The following TRAPPC3 variants were observed in gnomAD, a reference collection of about 807,000 sequenced individuals.
The protein encoded by TRAPPC3 is trafficking protein particle complex 3.
In TRAPPC3, 5 loss-of-function variants were observed where a neutral mutation model predicts 18.2. The observed-to-expected ratio is 0.28, with a 90% CI of 0.14 to 0.58. The LOEUF is 0.58. Among genes scored for constraint, TRAPPC3 ranks in the 20% least tolerant of loss-of-function variants. The pLI, the probability that TRAPPC3 is intolerant of heterozygous loss-of-function variation, is 0.91. For synonymous variants in TRAPPC3, 65 were observed against 84.2 expected, an observed-to-expected ratio of 0.77 and a Z score of 1.25; for missense variants, 176 against 225.9, an observed-to-expected ratio of 0.78 and a Z score of 1.41.
chr1:36,144,551 G>GAGTA (rs1644166136), intron 1 of TRAPPC3, among the ~76,000 whole-genome samples: 1 of 152,140 alleles, frequency 6.6e-6, no homozygotes, highest in Admixed American at 6.5e-5. Flanking sequence ...CTACTCAGGA[G>GAGTA]GCTAAGGTGA....
intron 1 of TRAPPC3, among the ~76,000 whole-genome samples, chr1:36,144,933 G>A (rs1644169694): frequency 6.6e-6 from 1 of 152,196 alleles, no homozygotes; most frequent in Admixed American, 6.5e-5. Context: ...TCTACACTCA[G>A]GTGAGACACC....
At chr1:36,149,314 C>G (rs1384961145) in intron 1 of TRAPPC3, 23 bp downstream of exon 1, 2 of 1,613,744 alleles carry the variant, frequency 1.2e-6, no homozygotes, top group East Asian at 2.2e-5. Flanking sequence ...CCCCGCCCGC[C>G]GAGGTCACGC....
At chr1:36,145,995 G>A (rs1644192319) in intron 1 of TRAPPC3, among the ~76,000 whole-genome samples, 1 of 151,784 alleles carries the variant, frequency 6.6e-6, no homozygotes, top group Non-Finnish European at 1.5e-5. Flanking sequence ...AGCCAGGATG[G>A]TCTCGATCTC....
intron 1 of TRAPPC3, among the ~76,000 whole-genome samples, chr1:36,148,826 C>T (rs191064449): frequency 1.3e-5 from 2 of 152,254 alleles, no homozygotes; most frequent in East Asian, 1.9e-4. Flanking sequence ...ACAATACCCA[C>T]GCCACAGTAC....
At chr1:36,138,140 T>C in intron 3 of TRAPPC3, 162 bp from the exon 4 acceptor site, 1 of 1,553,294 alleles carries the variant, frequency 6.4e-7, no homozygotes. Context: ...GAGAAGCATC[T>C]GTACATGATG....
intron 1 of TRAPPC3, chr1:36,149,070 G>A: frequency 7.2e-7 from 1 of 1,382,906 alleles, no homozygotes; most frequent in South Asian, 1.6e-5. Flanking sequence ...GAAGTTAAGT[G>A]GCAGTTATTG....
intron 1 of TRAPPC3, among the ~76,000 whole-genome samples, chr1:36,146,592 T>A (rs1380748728): frequency 3.6e-5 from 3 of 82,988 alleles, no homozygotes; most frequent in South Asian, 4.5e-4. Context: ...CCTACTTCAT[T>A]AAAAAAAAAA....
At chr1:36,149,651 G>GC (rs1644253322), upstream of TRAPPC3, 2 of 552,038 alleles carry the variant, frequency 3.6e-6, no homozygotes, top group Non-Finnish European at 6.5e-6. Flanking sequence ...TGCTCCGCGC[G>GC]CGCCTGCCTG....
chr1:36,147,403 T>C (rs1051377221), intron 1 of TRAPPC3, among the ~76,000 whole-genome samples: 5 of 150,576 alleles, frequency 3.3e-5, no homozygotes, highest in African/African-American at 7.4e-5. Context: ...TGAAGCAGAG[T>C]TGGAGGGACT....
chr1:36,145,288 CA>C (rs1644177129), intron 1 of TRAPPC3, among the ~76,000 whole-genome samples: 1 of 152,038 alleles, frequency 6.6e-6, no homozygotes, highest in Admixed American at 6.6e-5. Context: ...CTCCACCTCC[CA>C]AAGTGCAGGG....
chr1:36,141,253 G>A (rs971692536), intron 1 of TRAPPC3, among the ~76,000 whole-genome samples: 1 of 152,200 alleles, frequency 6.6e-6, no homozygotes, highest in Non-Finnish European at 1.5e-5. Context: ...AAAGCAGCAG[G>A]CAGGGGGAAA....
At chr1:36,151,914 T>A (rs945434811), upstream of TRAPPC3, among the ~76,000 whole-genome samples, 1 of 152,140 alleles carries the variant, frequency 6.6e-6, no homozygotes, top group Non-Finnish European at 1.5e-5. Flanking sequence ...GAGGGGCAGC[T>A]GGCATCACCA....
chr1:36,149,444 A>T lies in TRAPPC3; in HGVS notation c.-66T>A. ...GCTCGGCGACCCCTGCAGACGCCGG[A>T]GCCTAAGCCGCTGCCCCTCAGCCCA... On this transcript the variant is annotated 5_prime_UTR_variant, in exon 1 of 5. Transcript: ENST00000373166. 6.3e-7 allele frequency: 1 copy of T among 1,588,978 alleles called. No individual in the cohort carries two copies. Among genetic ancestry groups the T allele is most frequent in the Non-Finnish European group, 8.6e-7 (1 of 1,166,556 alleles).
chr1:36,138,796 C>T (rs1455528355), intron 3 of TRAPPC3, among the ~76,000 whole-genome samples: 3 of 151,952 alleles, frequency 2.0e-5, no homozygotes, highest in African/African-American at 7.3e-5. Flanking sequence ...TTTGGGAGGC[C>T]GAGGTGGGCA....
chr1:36,146,167 C>T (rs538339153), intron 1 of TRAPPC3, among the ~76,000 whole-genome samples: 1 of 152,206 alleles, frequency 6.6e-6, no homozygotes, highest in South Asian at 2.1e-4. Context: ...CAACCTCCAC[C>T]TCCCGGGTTC....
intron 1 of TRAPPC3, 52 bp downstream of exon 1, chr1:36,149,285 C>G (rs1644246782): frequency 3.7e-6 from 6 of 1,612,282 alleles, no homozygotes; most frequent in Non-Finnish European, 5.1e-6. Flanking sequence ...GGGCCCCTTC[C>G]CTGTACGCCT....
upstream of TRAPPC3, among the ~76,000 whole-genome samples, chr1:36,150,480 C>T (rs897797204): frequency 6.6e-5 from 10 of 152,142 alleles, no homozygotes; most frequent in Non-Finnish European, 1.3e-4. Context: ...GGTCCCTGAG[C>T]ACTCTCTGTT....
intron 1 of TRAPPC3, among the ~76,000 whole-genome samples, chr1:36,148,094 C>T (rs1405263861): frequency 6.6e-6 from 1 of 152,198 alleles, no homozygotes; most frequent in African/African-American, 2.4e-5. Flanking sequence ...AATTGAAGAT[C>T]AATCAAGTAA....
intron 1 of TRAPPC3, among the ~76,000 whole-genome samples, chr1:36,145,347 G>A (rs1046594874): frequency 9.9e-5 from 15 of 152,016 alleles, no homozygotes; most frequent in African/African-American, 3.6e-4. Flanking sequence ...GATCTTTAGA[G>A]CCAATGCTCC....
Sources: gnomAD v4.1 joint callset for allele counts (sites outside exome capture counted in the v4.1 genomes callset) on GRCh38, gnomAD v4.1.1 for gene constraint, MANE v1.5 for transcripts, NCBI Gene and HGNC (gene_info 2026-07-23, HGNC 2026-07-21) for gene names.